Variants in SNTG1 observed in about 807,000 individuals in gnomAD.
SNTG1 encodes the protein gamma-1-syntrophin.
SNTG1 carries 39 observed loss-of-function variants against 74.7 expected under a neutral mutation model. That is an observed-to-expected ratio of 0.52 (90% confidence interval 0.40 to 0.68). The LOEUF (loss-of-function observed/expected upper bound fraction) is 0.68, where lower values mean the gene tolerates loss of function less well. Ranked by LOEUF, SNTG1 falls within the 30% of genes least tolerant of loss-of-function variation. The pLI is 0.00. For missense variants in SNTG1, 685 were observed against 609.5 expected (o/e 1.12, Z -1.30); for synonymous variants, 254 against 217.1 (o/e 1.17, Z -1.49).
chr8:49,943,463 G>C (rs983728561), intron 1 of SNTG1, among the ~76,000 whole-genome samples: 1 of 152,184 alleles, frequency 6.6e-6, no homozygotes, highest in African/African-American at 2.4e-5. Flanking sequence ...TGTTCTTCCT[G>C]AAACAGAACA....
intron 2 of SNTG1, 112 bp from the exon 3 acceptor site, chr8:50,394,100 T>C: frequency 1.4e-6 from 1 of 732,662 alleles, no homozygotes; most frequent in South Asian, 2.0e-5. Flanking sequence ...TACAAGTGGT[T>C]GTAAACACAG....
At chr8:50,303,166 G>A (rs1042347660) in intron 2 of SNTG1, among the ~76,000 whole-genome samples, 4 of 152,004 alleles carry the variant, frequency 2.6e-5, no homozygotes, top group African/African-American at 7.2e-5. Flanking sequence ...TCTAAGACGA[G>A]GACTTTTTTC....
intron 12 of SNTG1, among the ~76,000 whole-genome samples, chr8:50,558,256 AG>A (rs1310670838): frequency 1.3e-5 from 2 of 152,150 alleles, no homozygotes; most frequent in South Asian, 2.1e-4. Context: ...CTGCATGGCC[AG>A]GGGGGCCTTG....
intron 15 of SNTG1, among the ~76,000 whole-genome samples, chr8:50,670,626 T>C (rs941975199): frequency 1.4e-5 from 2 of 142,194 alleles, no homozygotes; most frequent in Non-Finnish European, 3.1e-5. Flanking sequence ...CCCAAGGTAA[T>C]TTATAGATTC....
chr8:50,734,231 C>T (rs2131630971), intron 17 of SNTG1, among the ~76,000 whole-genome samples: 1 of 151,716 alleles, frequency 6.6e-6, no homozygotes, highest in East Asian at 1.9e-4. Context: ...AAGAAACAAA[C>T]TATAGACATT....
At chr8:50,526,457 T>C (rs537243969) in intron 9 of SNTG1, among the ~76,000 whole-genome samples, 22 of 152,088 alleles carry the variant, frequency 1.4e-4, no homozygotes, top group Admixed American at 1.4e-3. Context: ...CTTACCTGGG[T>C]TACTGTGACT....
chr8:50,054,141 C>A (rs1819823435), intron 1 of SNTG1, among the ~76,000 whole-genome samples: 1 of 152,070 alleles, frequency 6.6e-6, no homozygotes, highest in Non-Finnish European at 1.5e-5. Flanking sequence ...CCAATTTCAG[C>A]ATTGGGTCTC....
chr8:50,047,011 C>A (rs1464005638), intron 1 of SNTG1, among the ~76,000 whole-genome samples: 2 of 152,140 alleles, frequency 1.3e-5, no homozygotes, highest in Non-Finnish European at 2.9e-5. Context: ...TTCCAAAATT[C>A]TTACTCTCCT....
At chr8:50,719,765 T>C (rs1044101404) in intron 17 of SNTG1, among the ~76,000 whole-genome samples, 5 of 152,154 alleles carry the variant, frequency 3.3e-5, no homozygotes, top group African/African-American at 9.7e-5. Flanking sequence ...AAAATAAATA[T>C]TGTAATACAT....
At chr8:50,517,341 A>T (rs2094141767) in intron 9 of SNTG1, among the ~76,000 whole-genome samples, 1 of 152,224 alleles carries the variant, frequency 6.6e-6, no homozygotes, top group South Asian at 2.1e-4. Flanking sequence ...CTGCAAAAGT[A>T]TACCAAATTG....
chr8:50,688,984 A>G (rs531541238), intron 15 of SNTG1, among the ~76,000 whole-genome samples: 98 of 152,084 alleles, frequency 6.4e-4, no homozygotes, highest in African/African-American at 2.0e-3. Context: ...TCCCTTGTAA[A>G]TTGGATTCCT....
At chr8:50,130,155 A>G (rs898727126) in intron 1 of SNTG1, among the ~76,000 whole-genome samples, 7 of 152,194 alleles carry the variant, frequency 4.6e-5, no homozygotes, top group African/African-American at 1.7e-4. Context: ...CAAAAAAGAC[A>G]TATCTTTAGT....
rs189957539 is a variant in SNTG1, at chr8:50,146,929, A to C, written c.-102-25632A>C. 1.7e-3 allele frequency among the ~76,000 whole-genome samples: 264 copies of C among 152,186 alleles called. 2 individuals carry two copies. Among genetic ancestry groups the C allele is most frequent in the African/African-American group, 6.0e-3 (248 of 41,520 alleles). On this transcript the variant is annotated intron_variant, in intron 1 of 18. Coordinates refer to ENST00000642720, the MANE Select transcript of SNTG1 (RefSeq NM_018967.5). ...TCTGGATATAAATTCTTTATCACAT[A>C]TATGATTTGCAAATATTTTCTCTCA...
rs142390872 is a variant in SNTG1, at chr8:50,294,504, T to G, written c.-27-99708T>G. 3.0e-3 allele frequency among the ~76,000 whole-genome samples: 453 copies of G among 152,296 alleles called. 2 individuals are homozygous for G. Among genetic ancestry groups the G allele is most frequent in the African/African-American group, 0.01 (431 of 41,580 alleles). Reference sequence around the variant, plus strand: ...TTCAAAGACCATCAGGCTAGAGACCTGGGAAACAGCTGATGTTGCACTTCA... The same window carrying G: ...TTCAAAGACCATCAGGCTAGAGACCGGGGAAACAGCTGATGTTGCACTTCA... On this transcript the variant is annotated intron_variant, in intron 2 of 18. Coordinates refer to ENST00000642720, the MANE Select transcript of SNTG1 (RefSeq NM_018967.5).
At chr8:50,403,699 G>A (rs963029478) in intron 4 of SNTG1, among the ~76,000 whole-genome samples, 1 of 152,086 alleles carries the variant, frequency 6.6e-6, no homozygotes, top group Non-Finnish European at 1.5e-5. Flanking sequence ...ATAATGAAGA[G>A]AATTAAGGAG....
intron 1 of SNTG1, among the ~76,000 whole-genome samples, chr8:50,115,679 G>A (rs1349436693): frequency 2.0e-5 from 3 of 151,756 alleles, no homozygotes; most frequent in Admixed American, 2.0e-4. Context: ...GAGGTGGAAG[G>A]AAATTGTCGT....
intron 1 of SNTG1, among the ~76,000 whole-genome samples, chr8:50,075,631 T>C (rs1183454342): frequency 1.3e-5 from 2 of 152,200 alleles, no homozygotes; most frequent in Non-Finnish European, 2.9e-5. Context: ...GCCTGCTTCC[T>C]ACGCTGTGGA....
chr8:50,522,200 A>G (rs1225248945), intron 9 of SNTG1, among the ~76,000 whole-genome samples: 2 of 152,148 alleles, frequency 1.3e-5, no homozygotes, highest in African/African-American at 4.8e-5. Flanking sequence ...GTTAGCAGGC[A>G]TGAAAACTAC....
In SNTG1 at chr8:50,411,453, A is replaced by T. The variant is rs535956523; in HGVS notation, c.162+9109A>T. 3.0e-3 allele frequency among the ~76,000 whole-genome samples: 458 copies of T among 151,666 alleles called. 3 individuals are homozygous for T. The highest frequency in any genetic ancestry group is 0.01 in the African/African-American group (415 of 41,306). ...ACAGAGCAAGACTCCATCTCAAAAAAAAAAAATAAAAAGACTCCATCTCAA... is the reference window on the plus strand; with the variant it reads ...ACAGAGCAAGACTCCATCTCAAAAATAAAAAATAAAAAGACTCCATCTCAA... On this transcript the variant is annotated intron_variant, in intron 4 of 18. Coordinates refer to ENST00000642720, the MANE Select transcript of SNTG1 (RefSeq NM_018967.5).
Sources: allele counts gnomAD v4.1 joint callset (sites outside exome capture counted in the v4.1 genomes callset), GRCh38; gene constraint gnomAD v4.1.1; transcripts MANE v1.5; gene names NCBI Gene and HGNC (gene_info 2026-07-23, HGNC 2026-07-21).